The following ECHDC2 variants were observed in gnomAD, a reference collection of about 807,000 sequenced individuals.
ECHDC2 encodes the protein enoyl-CoA hydratase domain containing 2, also known as enoyl-CoA hydratase domain-containing protein 2, mitochondrial.
Under a neutral mutation model 40.6 loss-of-function variants are expected in ECHDC2, and 34 were observed. The ratio of observed to expected loss-of-function variants is 0.84; its 90% CI spans 0.64 to 1.11. ECHDC2 has a LOEUF of 1.11. ECHDC2 is among the 50% of genes most tolerant of loss of function. The pLI is 0.00. For synonymous variants in ECHDC2, 162 were observed against 166.6 expected (o/e 0.97, Z 0.21); for missense variants, 392 against 400.7 (o/e 0.98, Z 0.19).
Position 52,899,210 on chromosome 1 carries a change from C to T in ECHDC2, c.717G>A (p.Val239=). The T allele has an allele frequency of 6.2e-7, 1 of 1,613,518 alleles. No homozygotes were observed. The highest frequency in any genetic ancestry group is 8.5e-7 in the Non-Finnish European group (1 of 1,180,032). The change falls in exon 8 of 10, where the codon GTG becomes GTA. Residue 239 remains valine (V), a synonymous_variant. Coordinates refer to ENST00000371522, the MANE Select transcript of ECHDC2 (RefSeq NM_001198961.2). ...GGTCAATGGCTACTTTGCCCAGCCG[C>T]ACGGCAATGGGGGCCTAGGGAAAAG... ...QEILPQAPIA[V]RLGKVAIDRG... is the part of the protein sequence containing the mutation.
At chr1:52,920,547 G>A in intron 1 of ECHDC2, 1 of 1,469,392 alleles carries the variant, frequency 6.8e-7, no homozygotes, top group Non-Finnish European at 9.5e-7. Flanking sequence ...GAAGGCCACG[G>A]GGAAGGGGCC....
intron 9 of ECHDC2, chr1:52,896,803 C>T: frequency 1.8e-6 from 1 of 560,426 alleles, no homozygotes; most frequent in Non-Finnish European, 3.2e-6. Context: ...ATTCTCTGTG[C>T]CCCATCAGCA....
At position 52,903,049 on chromosome 1, in the gene ECHDC2, C is replaced by CTGTAT. The variant is rs1647088172; in HGVS notation, c.702+1596_702+1597insATACA. Among the ~76,000 whole-genome samples, 6 of 152,224 alleles carry CTGTAT rather than the reference C, an allele frequency of 3.9e-5. No homozygotes were observed. The South Asian group carries it at 1.2e-3, about 32-fold the overall frequency. On this transcript the variant is annotated intron_variant, in intron 7 of 9. Transcript: ENST00000371522. ...ATTTGGGATCTCCTGTACCCAACCC[C>CTGTAT]CTGTATCCTGGGCCCCCTGAGAGTT...
At chr1:52,916,682 C>T (rs1650735900) in intron 1 of ECHDC2, among the ~76,000 whole-genome samples, 1 of 152,182 alleles carries the variant, frequency 6.6e-6, no homozygotes, top group South Asian at 2.1e-4. Context: ...AATTGTGCAA[C>T]ATTTAATTTG....
At chr1:52,921,529 G>C (rs1338785826) in intron 1 of ECHDC2, 24 bp downstream of exon 1, 1 of 1,599,908 alleles carries the variant, frequency 6.3e-7, no homozygotes, top group Admixed American at 1.7e-5. Flanking sequence ...CGCGTCATGC[G>C]CCGCCCCGGA....
chr1:52,902,482 G>T (rs1647049591), intron 7 of ECHDC2, among the ~76,000 whole-genome samples: 1 of 151,958 alleles, frequency 6.6e-6, no homozygotes, highest in African/African-American at 2.4e-5. Flanking sequence ...TACAAATGAG[G>T]TCTCACTATG....
At chr1:52,915,645 C>T (rs1049442332) in intron 1 of ECHDC2, among the ~76,000 whole-genome samples, 2 of 152,132 alleles carry the variant, frequency 1.3e-5, no homozygotes, top group Non-Finnish European at 2.9e-5. Flanking sequence ...AGTCAAGGAC[C>T]CTGACCCCCA....
chr1:52,905,473 T>C, intron 5 of ECHDC2: 1 of 222,926 alleles, frequency 4.5e-6, no homozygotes, highest in Non-Finnish European at 9.0e-6. Context: ...GGATTACTAT[T>C]AATAGGTTCT....
chr1:52,907,678 A>G (rs1465250751), intron 4 of ECHDC2, 190 bp downstream of exon 4: 6 of 556,924 alleles, frequency 1.1e-5, no homozygotes, highest in Non-Finnish European at 1.9e-5. Flanking sequence ...ACAAAAGCTG[A>G]AGAGCCAGAA....
chr1:52,898,746 A>T, intron 8 of ECHDC2: 1 of 248,604 alleles, frequency 4.0e-6, no homozygotes. Flanking sequence ...AGGTGGACAG[A>T]TGGATTAACT....
intron 9 of ECHDC2, 67 bp from the exon 10 acceptor site, chr1:52,896,664 G>C: frequency 7.5e-7 from 1 of 1,325,884 alleles, no homozygotes; most frequent in Non-Finnish European, 1.1e-6. Context: ...AGTTGCTTAA[G>C]CTTGTCCAGC....
chr1:52,915,446 G>A (rs1237022198), intron 1 of ECHDC2, among the ~76,000 whole-genome samples: 1 of 152,198 alleles, frequency 6.6e-6, no homozygotes, highest in Non-Finnish European at 1.5e-5. Flanking sequence ...GTAACATTCA[G>A]GCAAACTGGA....
chr1:52,912,555 A>G (rs1164657279), intron 1 of ECHDC2, among the ~76,000 whole-genome samples: 1 of 151,820 alleles, frequency 6.6e-6, no homozygotes, highest in African/African-American at 2.4e-5. Context: ...AGGAGTTATG[A>G]TAAGGCAAAT....
Position 52,906,572 on chromosome 1 carries a change from A to G in ECHDC2, c.404T>C (p.Phe135Ser). ...AAGCTCTAGGCCTCCGCCCAAGGCA[A>G]ACCCATCCATAGCCGCAATGGTGGG... is the stretch of plus-strand genomic sequence containing the variant. ...PAPTIAAMDG[F>S]ALGGGLELAL... The change falls in exon 5 of 10, where the codon TTT (phenylalanine) becomes TCT (serine). Residue 135 changes from phenylalanine (F) to serine (S), a missense_variant. Transcript: ENST00000371522. 5 of 1,612,588 alleles carry G rather than the reference A, an allele frequency of 3.1e-6. No individual in the cohort carries two copies. The highest frequency in any genetic ancestry group is 4.2e-6 in the Non-Finnish European group (5 of 1,179,758).
intron 1 of ECHDC2, among the ~76,000 whole-genome samples, chr1:52,918,158 G>A (rs1651108295): frequency 6.6e-6 from 1 of 152,028 alleles, no homozygotes; most frequent in East Asian, 1.9e-4. Context: ...TGAGTAGCAG[G>A]GGCTACAGGT....
intron 4 of ECHDC2, 130 bp downstream of exon 4, chr1:52,907,738 G>A: frequency 1.3e-6 from 1 of 755,510 alleles, no homozygotes; most frequent in Non-Finnish European, 2.2e-6. Flanking sequence ...ATCCCCCTGG[G>A]TGAGTCATCT....
intron 1 of ECHDC2, among the ~76,000 whole-genome samples, chr1:52,920,770 G>T (rs1038472310): frequency 6.6e-6 from 1 of 151,862 alleles, no homozygotes; most frequent in Non-Finnish European, 1.5e-5. Context: ...GCAATACAAC[G>T]AAATGTACAG....
chr1:52,897,195 G>T (rs1014355909), intron 9 of ECHDC2: 2 of 570,458 alleles, frequency 3.5e-6, no homozygotes, highest in African/African-American at 1.9e-5. Flanking sequence ...CCTGTGTTCT[G>T]TGATTCTCGG....
intron 1 of ECHDC2, chr1:52,913,910 T>C (rs1159083488): frequency 1.5e-5 from 17 of 1,153,420 alleles, no homozygotes; most frequent in Non-Finnish European, 1.7e-5. Context: ...AGGTGATGCC[T>C]CTGCACTCCT....
Sources: gnomAD v4.1 joint callset for allele counts (sites outside exome capture counted in the v4.1 genomes callset) on GRCh38, gnomAD v4.1.1 for gene constraint, MANE v1.5 for transcripts, NCBI Gene and HGNC (gene_info 2026-07-23, HGNC 2026-07-21) for gene names.